Variants in CSMD3 observed in about 807,000 individuals in gnomAD.
CSMD3 encodes the protein CUB and Sushi multiple domains 3, also known as CUB and sushi domain-containing protein 3.
Under a neutral mutation model 435.2 loss-of-function variants are expected in CSMD3, and 177 were observed. The ratio of observed to expected loss-of-function variants is 0.41; its 90% CI spans 0.36 to 0.46. CSMD3 has a LOEUF of 0.46. CSMD3 is among the 20% of genes least tolerant of loss of function. The probability of loss-of-function intolerance (pLI) is 0.34; values close to 1 mark genes in which losing one functional copy is unlikely to be tolerated. For missense variants in CSMD3, 4,265 were observed against 4,504.6 expected, an observed-to-expected ratio of 0.95 and a Z score of 1.52; for synonymous variants, 1,656 against 1,520.5, an observed-to-expected ratio of 1.09 and a Z score of -2.07.
At chr8:112,781,593 C>T (rs1299460241) in intron 13 of CSMD3, among the ~76,000 whole-genome samples, 1 of 152,096 alleles carries the variant, frequency 6.6e-6, no homozygotes, top group Non-Finnish European at 1.5e-5. Context: ...CAGCAGTAGA[C>T]AGGCAATAGT....
At chr8:113,407,035 G>A (rs2094535903) in intron 1 of CSMD3, among the ~76,000 whole-genome samples, 1 of 152,038 alleles carries the variant, frequency 6.6e-6, no homozygotes, top group Non-Finnish European at 1.5e-5. Context: ...TACCAAATTA[G>A]TAGACTACAA....
intron 8 of CSMD3, among the ~76,000 whole-genome samples, chr8:112,949,551 G>C (rs2083735599): frequency 6.6e-6 from 1 of 152,020 alleles, no homozygotes; most frequent in Non-Finnish European, 1.5e-5. Flanking sequence ...TTCTTTTGAA[G>C]TTCCTTTCTC....
chr8:112,245,369 T>C (rs1286552478), intron 64 of CSMD3, among the ~76,000 whole-genome samples: 1 of 152,148 alleles, frequency 6.6e-6, no homozygotes, highest in Non-Finnish European at 1.5e-5. Flanking sequence ...AATTATTTGT[T>C]CATAGATATA....
chr8:112,594,786 A>G (rs1473580998), intron 22 of CSMD3, among the ~76,000 whole-genome samples: 1 of 152,158 alleles, frequency 6.6e-6, no homozygotes, highest in South Asian at 2.1e-4. Flanking sequence ...GTACTCCAAC[A>G]GACCTGCAGC....
At chr8:113,420,416 G>C (rs574436410) in intron 1 of CSMD3, among the ~76,000 whole-genome samples, 1 of 152,024 alleles carries the variant, frequency 6.6e-6, no homozygotes, top group South Asian at 2.1e-4. Context: ...ACATACGATA[G>C]TAAGACAGAT....
chr8:112,724,753 G>A (rs2076929617), intron 13 of CSMD3, among the ~76,000 whole-genome samples: 1 of 152,014 alleles, frequency 6.6e-6, no homozygotes, highest in Non-Finnish European at 1.5e-5. Context: ...AGGAGTGAAT[G>A]TGAGAGACAA....
At chr8:113,056,298 C>A (rs1461491257) in intron 5 of CSMD3, among the ~76,000 whole-genome samples, 1 of 152,094 alleles carries the variant, frequency 6.6e-6, no homozygotes, top group Non-Finnish European at 1.5e-5. Context: ...CTACTGAATG[C>A]CAGTGTTAGA....
At chr8:113,220,339 G>T (rs2092952206) in intron 3 of CSMD3, among the ~76,000 whole-genome samples, 1 of 151,380 alleles carries the variant, frequency 6.6e-6, no homozygotes, top group Non-Finnish European at 1.5e-5. Context: ...CCAGGAATAA[G>T]ATCCTGGAAT....
At chr8:113,237,257 TC>T (rs1389825164) in intron 3 of CSMD3, among the ~76,000 whole-genome samples, 1 of 152,088 alleles carries the variant, frequency 6.6e-6, no homozygotes, top group East Asian at 1.9e-4. Context: ...GACCCTGATA[TC>T]GGGGTGGGAA....
At chr8:113,370,612 G>C (rs1472867754) in intron 1 of CSMD3, among the ~76,000 whole-genome samples, 3 of 151,744 alleles carry the variant, frequency 2.0e-5, no homozygotes, top group Admixed American at 6.6e-5. Flanking sequence ...TAGGTTATTG[G>C]TTCATTATAT....
chr8:113,410,900 TGAAA>T (rs60929996), intron 1 of CSMD3, among the ~76,000 whole-genome samples: 6,997 of 105,326 alleles, frequency 0.066, 255 homozygotes, highest in Non-Finnish European at 0.078. Flanking sequence ...CAAAACCCTG[TGAAA>T]GAAAGAAAGA....
At chr8:113,289,704 TGC>T (rs1218585564) in intron 2 of CSMD3, among the ~76,000 whole-genome samples, 2 of 151,842 alleles carry the variant, frequency 1.3e-5, no homozygotes, top group East Asian at 3.9e-4. Flanking sequence ...CAGAAAGTAT[TGC>T]ACACACTTTA....
At chr8:113,095,522 T>C (rs1006250828) in intron 5 of CSMD3, among the ~76,000 whole-genome samples, 6 of 152,216 alleles carry the variant, frequency 3.9e-5, no homozygotes, top group Non-Finnish European at 7.3e-5. Context: ...GAGCTTATTT[T>C]ATTAGCTTAT....
chr8:113,052,101 G>A lies in CSMD3; in HGVS notation c.918-32922C>T, dbSNP rs113627106. 3.6e-3 allele frequency among the ~76,000 whole-genome samples: 543 copies of A among 152,228 alleles called. 3 individuals are homozygous for A. The highest frequency in any genetic ancestry group is 0.012 in the African/African-American group (507 of 41,554). ...AAACACTAACTTTACAATACATGTA[G>A]TTACATATTTAATAAGTAACCAAGT... On this transcript the variant is annotated intron_variant, in intron 5 of 70. Coordinates refer to ENST00000297405, the MANE Select transcript of CSMD3 (RefSeq NM_198123.2).
chr8:113,299,304 C>T (rs2093745658), intron 2 of CSMD3, among the ~76,000 whole-genome samples: 3 of 151,802 alleles, frequency 2.0e-5, no homozygotes, highest in African/African-American at 7.3e-5. Context: ...TTTTCCTTTC[C>T]TTTTTTTGCT....
chr8:112,872,189 A>T (rs1446705995), intron 10 of CSMD3, among the ~76,000 whole-genome samples: 14 of 152,068 alleles, frequency 9.2e-5, no homozygotes, highest in Non-Finnish European at 2.9e-5. Flanking sequence ...ATCAATAAGT[A>T]GTTCAGTTCA....
At chr8:112,726,239 T>C (rs540171012) in intron 13 of CSMD3, among the ~76,000 whole-genome samples, 2 of 152,022 alleles carry the variant, frequency 1.3e-5, no homozygotes, top group African/African-American at 4.8e-5. Context: ...TAATTGAAGA[T>C]GAGATTTAGG....
chr8:113,300,641 G>T (rs4388477), intron 2 of CSMD3, among the ~76,000 whole-genome samples: 142,060 of 152,074 alleles, frequency 0.93, 66,468 homozygotes, highest in East Asian at 1. Context: ...AAACACTGAA[G>T]ATGCACAGAC....
chr8:112,365,492 T>A (rs974053494), intron 38 of CSMD3, among the ~76,000 whole-genome samples: 4 of 117,344 alleles, frequency 3.4e-5, no homozygotes, highest in East Asian at 2.7e-4. Context: ...TTTTTTTTTT[T>A]ACCAAATGGA....
Sources: allele counts gnomAD v4.1 joint callset (sites outside exome capture counted in the v4.1 genomes callset), GRCh38; gene constraint gnomAD v4.1.1; transcripts MANE v1.5; gene names NCBI Gene and HGNC (gene_info 2026-07-23, HGNC 2026-07-21).